TMEM117: variants seen among roughly 807,000 people sequenced by gnomAD.
TMEM117 encodes transmembrane protein 117.
In TMEM117, 27 loss-of-function variants were observed where a neutral mutation model predicts 52.4. The ratio of observed to expected loss-of-function variants is 0.51; its 90% CI spans 0.38 to 0.71. TMEM117 has a LOEUF of 0.71. TMEM117 is among the 30% of genes least tolerant of loss of function. The pLI is 0.00. For synonymous variants in TMEM117, 215 were observed against 206.3 expected (o/e 1.04, Z -0.36); for missense variants, 556 against 630.5 (o/e 0.88, Z 1.26).
At chr12:44,250,205 A>G (rs904230743) in intron 5 of TMEM117, among the ~76,000 whole-genome samples, 1 of 152,076 alleles carries the variant, frequency 6.6e-6, no homozygotes, top group Admixed American at 6.6e-5. Context: ...TCTCAAAAGA[A>G]GACATTTATG....
intron 5 of TMEM117, among the ~76,000 whole-genome samples, chr12:44,279,296 G>C (rs1950550463): frequency 6.6e-6 from 1 of 152,076 alleles, no homozygotes; most frequent in Non-Finnish European, 1.5e-5. Context: ...AAATACCTTT[G>C]CCTCCGATGT....
At chr12:44,096,155 AG>A (rs1947757312) in intron 3 of TMEM117, among the ~76,000 whole-genome samples, 1 of 152,232 alleles carries the variant, frequency 6.6e-6, no homozygotes, top group Non-Finnish European at 1.5e-5. Context: ...CCAACTTACA[AG>A]GGACATGAAG....
At chr12:44,039,752 A>T (rs73089719) in intron 3 of TMEM117, among the ~76,000 whole-genome samples, 3 of 151,994 alleles carry the variant, frequency 2.0e-5, no homozygotes, top group African/African-American at 7.2e-5. Context: ...AATCTTTACC[A>T]TCCAGACTAT....
At chr12:44,330,889 C>G (rs543068063) in intron 6 of TMEM117, among the ~76,000 whole-genome samples, 1 of 152,042 alleles carries the variant, frequency 6.6e-6, no homozygotes, top group Non-Finnish European at 1.5e-5. Flanking sequence ...CAGGGTCTCA[C>G]TATTTTGTTA....
intron 6 of TMEM117, among the ~76,000 whole-genome samples, chr12:44,374,963 T>C (rs150726416): frequency 5.3e-5 from 8 of 152,288 alleles, no homozygotes; most frequent in African/African-American, 1.9e-4. Context: ...TTGTCAAGCA[T>C]AATTTTTCAT....
the TMEM117 span, among the ~76,000 whole-genome samples, chr12:43,828,890 G>T: frequency 6.6e-6 from 1 of 151,864 alleles, no homozygotes; most frequent in Non-Finnish European, 1.5e-5. Flanking sequence ...TTTCTCCCCT[G>T]CTTCAGCACT....
chr12:43,904,870 G>A (rs374243195), intron 2 of TMEM117, among the ~76,000 whole-genome samples: 5 of 152,304 alleles, frequency 3.3e-5, no homozygotes, highest in East Asian at 1.9e-4. Context: ...TTGGCTGGGC[G>A]TGGTGGCTCA....
intron 4 of TMEM117, among the ~76,000 whole-genome samples, chr12:44,202,130 G>A (rs901008603): frequency 6.6e-6 from 1 of 151,894 alleles, no homozygotes; most frequent in Non-Finnish European, 1.5e-5. Flanking sequence ...AGGGGAAGAA[G>A]ACAAAAGGGG....
intron 6 of TMEM117, among the ~76,000 whole-genome samples, chr12:44,307,916 G>A (rs1316191951): frequency 1.3e-5 from 2 of 152,204 alleles, no homozygotes; most frequent in African/African-American, 4.8e-5. Context: ...TCAATCATGG[G>A]TACTGGAGTG....
intron 5 of TMEM117, among the ~76,000 whole-genome samples, chr12:44,222,096 A>G (rs998621678): frequency 2.0e-5 from 3 of 152,134 alleles, no homozygotes; most frequent in Admixed American, 6.5e-5. Flanking sequence ...TCAACTGTTC[A>G]TTTAGCCTTA....
chr12:44,048,804 G>A (rs1302783905), intron 3 of TMEM117, among the ~76,000 whole-genome samples: 6 of 152,228 alleles, frequency 3.9e-5, no homozygotes, highest in Middle Eastern at 3.4e-3. Context: ...CAGAACAAGA[G>A]AAATACAAAC....
chr12:44,139,215 G>A (rs1948535942), intron 3 of TMEM117, among the ~76,000 whole-genome samples: 1 of 152,096 alleles, frequency 6.6e-6, no homozygotes, highest in Admixed American at 6.6e-5. Context: ...ACTGCCTCCT[G>A]TTAAAATTCA....
At chr12:44,251,067 G>A (rs994272870) in intron 5 of TMEM117, among the ~76,000 whole-genome samples, 4 of 152,104 alleles carry the variant, frequency 2.6e-5, no homozygotes, top group African/African-American at 4.8e-5. Flanking sequence ...TCTGGTGCAC[G>A]TCTTGACTCA....
At chr12:43,903,854 A>G (rs1944342824) in intron 2 of TMEM117, among the ~76,000 whole-genome samples, 1 of 152,068 alleles carries the variant, frequency 6.6e-6, no homozygotes, top group Non-Finnish European at 1.5e-5. Context: ...TCCTACCACC[A>G]AGAATGGCTG....
At chr12:44,307,766 A>G (rs1950922196) in intron 6 of TMEM117, among the ~76,000 whole-genome samples, 1 of 152,202 alleles carries the variant, frequency 6.6e-6, no homozygotes, top group South Asian at 2.1e-4. Context: ...ATACAGAAGG[A>G]AGGAGTCCAG....
intron 3 of TMEM117, among the ~76,000 whole-genome samples, chr12:44,023,283 A>G (rs1368885953): frequency 6.6e-6 from 1 of 152,230 alleles, no homozygotes; most frequent in Non-Finnish European, 1.5e-5. Context: ...CGCAATAAAC[A>G]TACGTGTGCA....
In TMEM117 at chr12:44,143,546, T is replaced by C; in HGVS notation, c.432T>C (p.Tyr144=). The part of the protein sequence containing the change: ...GNMGAYIITD[Y]MGIRNESFMK... ...ACAGAGCATATATCATTACAGACTA[T>C]ATGGGCATCCGAAATGAAAGTTTCA... is the stretch of plus-strand genomic sequence containing the variant. The change falls in exon 4 of 8, where the codon TAT becomes TAC. Residue 144 remains tyrosine (Y), a synonymous_variant. Coordinates refer to ENST00000266534, the MANE Select transcript of TMEM117 (RefSeq NM_032256.3). 2 of 1,613,796 alleles carry C rather than the reference T, an allele frequency of 1.2e-6. No individual in the cohort carries two copies. Among genetic ancestry groups the C allele is most frequent in the Non-Finnish European group, 1.7e-6 (2 of 1,179,770 alleles).
intron 3 of TMEM117, among the ~76,000 whole-genome samples, chr12:44,019,612 TATGTA>T (rs1946424979): frequency 1.3e-5 from 2 of 152,248 alleles, no homozygotes; most frequent in Non-Finnish European, 2.9e-5. Flanking sequence ...TTTCAAGTTT[TATGTA>T]ATGTTATTTC....
chr12:43,837,235 C>T (rs955265749), intron 1 of TMEM117, among the ~76,000 whole-genome samples: 9 of 152,142 alleles, frequency 5.9e-5, no homozygotes, highest in Non-Finnish European at 8.8e-5. Context: ...TTTCTTTAAG[C>T]TGTCATTAAA....
Sources: gnomAD v4.1 joint callset for allele counts (sites outside exome capture counted in the v4.1 genomes callset) on GRCh38, gnomAD v4.1.1 for gene constraint, MANE v1.5 for transcripts, NCBI Gene and HGNC (gene_info 2026-07-23, HGNC 2026-07-21) for gene names.